Variants in PRDM16 observed in about 807,000 individuals in gnomAD.
PRDM16 encodes histone-lysine N-methyltransferase PRDM16.
A neutral mutation model predicts 110.6 loss-of-function variants in PRDM16; 23 were observed. The observed-to-expected ratio is 0.21, with a 90% CI of 0.15 to 0.29. The LOEUF (loss-of-function observed/expected upper bound fraction) is 0.29. PRDM16 is among the 10% of genes least tolerant of loss of function. PRDM16 has a pLI of 1.00. For synonymous variants in PRDM16, 799 were observed against 781.8 expected (o/e 1.02, Z -0.37); for missense variants, 1,615 against 1,794.3 (o/e 0.90, Z 1.81).
intron 2 of PRDM16, among the ~76,000 whole-genome samples, chr1:3,224,547 G>A (rs1327683934): frequency 1.3e-5 from 2 of 152,160 alleles, no homozygotes; most frequent in South Asian, 2.1e-4. Flanking sequence ...CCTTCCACAC[G>A]CGCTCGGGGC....
intron 1 of PRDM16, among the ~76,000 whole-genome samples, chr1:3,099,524 G>A (rs959719630): frequency 1.3e-5 from 2 of 152,206 alleles, no homozygotes; most frequent in South Asian, 2.1e-4. Context: ...GGCATCCTGC[G>A]GGCGGCTCCT....
At chr1:3,133,892 A>G (rs904203968) in intron 1 of PRDM16, among the ~76,000 whole-genome samples, 2 of 152,232 alleles carry the variant, frequency 1.3e-5, no homozygotes, top group Non-Finnish European at 2.9e-5. Flanking sequence ...ATCGGCCTCC[A>G]GGAAGTTGGA....
At chr1:3,239,909 C>CT (rs2100904263) in intron 2 of PRDM16, among the ~76,000 whole-genome samples, 1 of 151,686 alleles carries the variant, frequency 6.6e-6, no homozygotes, top group Admixed American at 6.6e-5. Flanking sequence ...GATAGAGCCA[C>CT]TGCACTCTAG....
intron 2 of PRDM16, among the ~76,000 whole-genome samples, chr1:3,214,607 G>A (rs1638977283): frequency 6.6e-6 from 1 of 152,224 alleles, no homozygotes; most frequent in Non-Finnish European, 1.5e-5. Context: ...TGAGGCAGGA[G>A]AAATGCTTGA....
chr1:3,086,460 C>CCGAGGTGT (rs1642154418), intron 1 of PRDM16, among the ~76,000 whole-genome samples: 1 of 152,170 alleles, frequency 6.6e-6, no homozygotes, highest in South Asian at 2.1e-4. Flanking sequence ...TGGAAAACGC[C>CCGAGGTGT]CGAGGTGTCG....
chr1:3,149,430 T>A (rs1643736621), intron 1 of PRDM16, among the ~76,000 whole-genome samples: 1 of 151,824 alleles, frequency 6.6e-6, no homozygotes, highest in Non-Finnish European at 1.5e-5. Context: ...CACTATGAGG[T>A]CTACCCACAC....
intron 3 of PRDM16, among the ~76,000 whole-genome samples, chr1:3,278,924 G>A (rs1336984972): frequency 2.6e-5 from 4 of 152,172 alleles, no homozygotes; most frequent in Non-Finnish European, 5.9e-5. Flanking sequence ...ATCCTCCCAC[G>A]CTTCCCTCCG....
chr1:3,377,083 T>G (rs1440803770), intron 3 of PRDM16, among the ~76,000 whole-genome samples: 1 of 152,260 alleles, frequency 6.6e-6, no homozygotes, highest in African/African-American at 2.4e-5. Flanking sequence ...TGCGCACGTG[T>G]GCGCATGTGC....
At chr1:3,293,845 G>A (rs1641029994) in intron 3 of PRDM16, among the ~76,000 whole-genome samples, 1 of 152,232 alleles carries the variant, frequency 6.6e-6, no homozygotes, top group Non-Finnish European at 1.5e-5. Flanking sequence ...CCCTTGGAGA[G>A]GCGATGGCGT....
intron 3 of PRDM16, among the ~76,000 whole-genome samples, chr1:3,329,027 G>A (rs965690346): frequency 7.8e-5 from 10 of 127,768 alleles, no homozygotes; most frequent in African/African-American, 2.6e-4. Flanking sequence ...TTTCCCCCCA[G>A]GCGAGGAATG....
At chr1:3,418,889 C>T (rs868799762) in intron 12 of PRDM16, 145 bp downstream of exon 12, 1 of 663,954 alleles carries the variant, frequency 1.5e-6, no homozygotes. Context: ...GAATTCTGGT[C>T]ACTCTGGCCC....
intron 3 of PRDM16, among the ~76,000 whole-genome samples, chr1:3,260,333 G>A (rs552577861): frequency 4.6e-5 from 7 of 152,260 alleles, no homozygotes; most frequent in Admixed American, 3.9e-4. Flanking sequence ...CCCCATGAGG[G>A]TCTGTCCACA....
rs539462497 is a variant in PRDM16 at position 3,245,613 on chromosome 1, G to A, written c.438+1476G>A. On this transcript the variant is annotated intron_variant, in intron 3 of 16. Transcript: ENST00000270722. The surrounding 1 kb of genome is among the most constrained non-coding windows in gnomAD (Gnocchi z 4.7). ...AAGGTGTCGGCTCTCAGTCCCCGCC[G>A]TCCACAGGATGCCTGAGGTCTTCCT... 7.2e-5 allele frequency among the ~76,000 whole-genome samples: 11 copies of A among 152,270 alleles called. No individual in the cohort carries two copies. Among genetic ancestry groups the A allele is most frequent in the East Asian group, 3.9e-4 (2 of 5,184 alleles).
chr1:3,431,146 G>A, intron 15 of PRDM16, 38 bp downstream of exon 15: 1 of 1,537,542 alleles, frequency 6.5e-7, no homozygotes, highest in Non-Finnish European at 8.8e-7. Flanking sequence ...GGGCAGGGAG[G>A]GAACGTGGGC....
At chr1:3,102,147 G>C (rs776643369) in intron 1 of PRDM16, among the ~76,000 whole-genome samples, 8 of 152,170 alleles carry the variant, frequency 5.3e-5, no homozygotes, top group African/African-American at 9.7e-5. Context: ...GCCCCATTTC[G>C]CAGTGGAGAA....
At chr1:3,225,164 A>C (rs1304538467) in intron 2 of PRDM16, among the ~76,000 whole-genome samples, 1 of 152,200 alleles carries the variant, frequency 6.6e-6, no homozygotes, top group Non-Finnish European at 1.5e-5. Flanking sequence ...GGAAGGAAAA[A>C]AAAAGGCATA....
intron 1 of PRDM16, among the ~76,000 whole-genome samples, chr1:3,171,813 C>T (rs1470120914): frequency 6.6e-6 from 1 of 152,130 alleles, no homozygotes; most frequent in Non-Finnish European, 1.5e-5. Flanking sequence ...AGAGGTGACC[C>T]TCGTCTCTGT....
At chr1:3,155,109 T>C (rs1231035243) in intron 1 of PRDM16, among the ~76,000 whole-genome samples, 1 of 152,092 alleles carries the variant, frequency 6.6e-6, no homozygotes, top group Non-Finnish European at 1.5e-5. Context: ...CCCCGACCTC[T>C]CAGGGGCTCT....
Position 3,246,976 on chromosome 1 carries a change from A to G in PRDM16, c.438+2839A>G, listed in dbSNP as rs1162455273. On this transcript the variant is annotated intron_variant, in intron 3 of 16. Transcript: ENST00000270722. The surrounding 1 kb of genome is among the most constrained non-coding windows in gnomAD (Gnocchi z 5.2). The stretch of plus-strand genomic sequence containing the variant: ...ATGCGCCACTTAGAGCTGTTGGTAT[A>G]GGTGCGATGTGTGGATTGCTGCCGT... 1.3e-5 allele frequency among the ~76,000 whole-genome samples: 2 copies of G among 152,182 alleles called. No individual in the cohort carries two copies. The highest frequency in any genetic ancestry group is 2.9e-5 in the Non-Finnish European group (2 of 68,034).
Sources: gnomAD v4.1 joint callset for allele counts (sites outside exome capture counted in the v4.1 genomes callset) on GRCh38, gnomAD v4.1.1 for gene constraint, Gnocchi (gnomAD v3.1) non-coding constraint, MANE v1.5 for transcripts, NCBI Gene and HGNC (gene_info 2026-07-23, HGNC 2026-07-21) for gene names.